The following HS2ST1 variants were observed in gnomAD, a reference collection of about 807,000 sequenced individuals.
HS2ST1 encodes the protein heparan sulfate 2-O-sulfotransferase 1.
HS2ST1 carries 18 observed loss-of-function variants against 42.9 expected under a neutral mutation model. The ratio of observed to expected loss-of-function variants is 0.42; its 90% CI spans 0.29 to 0.62. The LOEUF is 0.62. Ranked by LOEUF, HS2ST1 falls within the 20% of genes least tolerant of loss-of-function variation. HS2ST1 has a pLI of 0.21. For missense variants in HS2ST1, 334 were observed against 433.8 expected, an observed-to-expected ratio of 0.77 and a Z score of 2.04; for synonymous variants, 146 against 152.9, an observed-to-expected ratio of 0.95 and a Z score of 0.33.
At chr1:87,103,394 T>G (rs1258013980) in intron 5 of HS2ST1, 38 bp from the exon 6 acceptor site, 1 of 1,554,498 alleles carries the variant, frequency 6.4e-7, no homozygotes, top group Non-Finnish European at 8.7e-7. Context: ...CTCAGCAGAT[T>G]TCACAACCAG....
chr1:87,049,169 A>G (rs1422008946), intron 1 of HS2ST1, among the ~76,000 whole-genome samples: 1 of 151,980 alleles, frequency 6.6e-6, no homozygotes, highest in Non-Finnish European at 1.5e-5. Context: ...GTTTCAAGGA[A>G]TTTAGCAATT....
At chr1:86,955,160 A>G (rs1490880172) in intron 1 of HS2ST1, among the ~76,000 whole-genome samples, 1 of 152,246 alleles carries the variant, frequency 6.6e-6, no homozygotes, top group East Asian at 1.9e-4. Flanking sequence ...GTCTAAAGAC[A>G]AAAATAATTT....
chr1:87,022,668 A>G (rs924246961), intron 1 of HS2ST1, among the ~76,000 whole-genome samples: 8 of 152,066 alleles, frequency 5.3e-5, no homozygotes, highest in African/African-American at 1.4e-4. Flanking sequence ...TTTCTTACCT[A>G]TCATATTAAT....
intron 1 of HS2ST1, among the ~76,000 whole-genome samples, chr1:86,931,707 A>G (rs1391368117): frequency 6.6e-6 from 1 of 152,148 alleles, no homozygotes; most frequent in South Asian, 2.1e-4. Flanking sequence ...GTAGTTTTCA[A>G]TGCAGAATCC....
intron 1 of HS2ST1, among the ~76,000 whole-genome samples, chr1:86,936,396 G>A (rs529338657): frequency 3.7e-4 from 57 of 152,154 alleles, no homozygotes; most frequent in Non-Finnish European, 6.6e-4. Flanking sequence ...AATAGTCCTC[G>A]AGTTTCCCTT....
chr1:87,106,815 C>G lies in HS2ST1; in HGVS notation c.*2119C>G, dbSNP rs1242846116. Reference sequence around the variant, plus strand: ...TTGACATTACATGCTAATGAACAAACCCAGTATGCAAGTTATTCTTGCACC... The same window carrying G: ...TTGACATTACATGCTAATGAACAAAGCCAGTATGCAAGTTATTCTTGCACC... On this transcript the variant is annotated 3_prime_UTR_variant, in exon 7 of 7. Coordinates refer to ENST00000370550, the MANE Select transcript of HS2ST1 (RefSeq NM_012262.4). 1 of 151,978 alleles carries G rather than the reference C, an allele frequency of 6.6e-6. No homozygotes were observed. The highest frequency in any genetic ancestry group is 6.6e-5 in the Admixed American group (1 of 15,240). 9.4% of individuals were successfully genotyped at this position (151,978 alleles called of 1,614,324 possible).
chr1:86,963,780 G>A (rs1473173700), intron 1 of HS2ST1, among the ~76,000 whole-genome samples: 2 of 139,416 alleles, frequency 1.4e-5, no homozygotes, highest in South Asian at 2.3e-4. Context: ...GCAGCTGGCC[G>A]GGTGGGGGCT....
At chr1:87,006,120 A>G (rs911605212) in intron 1 of HS2ST1, among the ~76,000 whole-genome samples, 9 of 152,160 alleles carry the variant, frequency 5.9e-5, no homozygotes, top group South Asian at 2.1e-4. Context: ...TACACTGGTA[A>G]GTTTTGTATA....
At chr1:87,056,731 A>C (rs1381830882) in intron 1 of HS2ST1, among the ~76,000 whole-genome samples, 1 of 152,206 alleles carries the variant, frequency 6.6e-6, no homozygotes, top group South Asian at 2.1e-4. Flanking sequence ...ATACAATTCT[A>C]ATGTATTAAT....
chr1:86,947,650 G>A (rs1422946139), intron 1 of HS2ST1, among the ~76,000 whole-genome samples: 1 of 149,856 alleles, frequency 6.7e-6, no homozygotes, highest in Non-Finnish European at 1.5e-5. Context: ...ATACTTAACA[G>A]TGTGCCTATC....
chr1:87,015,813 CTTTTTT>C (rs957169428), intron 1 of HS2ST1, among the ~76,000 whole-genome samples: 2 of 151,024 alleles, frequency 1.3e-5, no homozygotes, highest in Non-Finnish European at 3.0e-5. Context: ...CTTTTTCTTT[CTTTTTT>C]TTTATTTTTA....
chr1:86,941,761 C>A (rs1429775454), intron 1 of HS2ST1, among the ~76,000 whole-genome samples: 1 of 152,030 alleles, frequency 6.6e-6, no homozygotes, highest in South Asian at 2.1e-4. Context: ...GGCAACAGAG[C>A]AAGAATCCAT....
intron 1 of HS2ST1, among the ~76,000 whole-genome samples, chr1:86,972,988 A>T (rs1648280228): frequency 6.6e-6 from 1 of 152,200 alleles, no homozygotes; most frequent in Non-Finnish European, 1.5e-5. Context: ...TGACAACAAT[A>T]TCACAGAAAC....
intron 1 of HS2ST1, among the ~76,000 whole-genome samples, chr1:87,013,787 A>T (rs550171571): frequency 2.0e-4 from 31 of 152,272 alleles, no homozygotes; most frequent in Admixed American, 2.0e-3. Context: ...ACAGCACCCA[A>T]GTCACCTCTT....
chr1:86,985,913 T>C (rs1648770743), intron 1 of HS2ST1, among the ~76,000 whole-genome samples: 1 of 152,178 alleles, frequency 6.6e-6, no homozygotes, highest in African/African-American at 2.4e-5. Context: ...AATTGACACC[T>C]GTGTTTTTGT....
At chr1:86,978,517 A>G (rs1263231912) in intron 1 of HS2ST1, among the ~76,000 whole-genome samples, 2 of 152,188 alleles carry the variant, frequency 1.3e-5, no homozygotes, top group African/African-American at 4.8e-5. Context: ...CTTTTTCTTG[A>G]ATCCTCATAT....
chr1:86,924,497 C>T (rs559738978), intron 1 of HS2ST1, among the ~76,000 whole-genome samples: 6 of 152,262 alleles, frequency 3.9e-5, no homozygotes, highest in South Asian at 2.1e-4. Flanking sequence ...ATGAGGGCCC[C>T]GCCCCACAGC....
intron 1 of HS2ST1, among the ~76,000 whole-genome samples, chr1:87,001,354 A>G (rs1044353627): frequency 1.3e-5 from 2 of 152,190 alleles, no homozygotes; most frequent in African/African-American, 4.8e-5. Flanking sequence ...TTTGGGGGAT[A>G]AAAAAGTCTG....
At chr1:87,091,666 G>A (rs910851029) in intron 3 of HS2ST1, among the ~76,000 whole-genome samples, 1 of 94,642 alleles carries the variant, frequency 1.1e-5, no homozygotes, top group Non-Finnish European at 2.2e-5. Flanking sequence ...TCACATCTGC[G>A]AGAAAGCTTA....
Sources: gnomAD v4.1 joint callset for allele counts (sites outside exome capture counted in the v4.1 genomes callset) on GRCh38, gnomAD v4.1.1 for gene constraint, MANE v1.5 for transcripts, NCBI Gene and HGNC (gene_info 2026-07-23, HGNC 2026-07-21) for gene names.